SLC4A4: variants seen among roughly 807,000 people sequenced by gnomAD.
SLC4A4 encodes electrogenic sodium bicarbonate cotransporter 1.
Under a neutral mutation model 111.5 loss-of-function variants are expected in SLC4A4, and 27 were observed. The ratio of observed to expected loss-of-function variants is 0.24; its 90% CI spans 0.18 to 0.33. The LOEUF is 0.33. Ranked by LOEUF, SLC4A4 falls within the 10% of genes least tolerant of loss-of-function variation. The probability of loss-of-function intolerance (pLI) is 1.00; values close to 1 mark genes in which losing one functional copy is unlikely to be tolerated. For synonymous variants in SLC4A4, 443 were observed against 463.4 expected (o/e 0.96, Z 0.57); for missense variants, 909 against 1,315.5 (o/e 0.69, Z 4.78).
intron 1 of SLC4A4, among the ~76,000 whole-genome samples, chr4:71,079,789 G>A (rs1195362859): frequency 7.7e-6 from 1 of 129,894 alleles, no homozygotes; most frequent in East Asian, 2.5e-4. Flanking sequence ...AAAAAAAAAA[G>A]ATGTAAAGAA....
rs1728732612 is a variant in SLC4A4 at position 71,339,721 on chromosome 4, A to G, written c.389+216A>G. Among the ~76,000 whole-genome samples the G allele has an allele frequency of 3.3e-5, 5 of 152,248 alleles. No homozygotes were observed. The South Asian group carries it at 8.3e-4, about 25-fold the overall frequency. ...TATTTCACTATTGGGGCATTGTTTCATTGATCCATGTTGCTATAATTTTGG... is the reference window on the plus strand; with the variant it reads ...TATTTCACTATTGGGGCATTGTTTCGTTGATCCATGTTGCTATAATTTTGG... On this transcript the variant is annotated intron_variant, in intron 4 of 25. Transcript: ENST00000264485.
At chr4:71,188,523 C>T (rs560069948) in intron 1 of SLC4A4, among the ~76,000 whole-genome samples, 4 of 152,294 alleles carry the variant, frequency 2.6e-5, no homozygotes, top group Middle Eastern at 6.8e-3. Flanking sequence ...TGTCTCAAAT[C>T]CTGCAGCAGT....
At chr4:71,214,638 T>C (rs190025154) in intron 1 of SLC4A4, among the ~76,000 whole-genome samples, 5 of 152,344 alleles carry the variant, frequency 3.3e-5, no homozygotes, top group Admixed American at 2.0e-4. Flanking sequence ...ATAAGGCACA[T>C]GATCTGAGCA....
intron 7 of SLC4A4, among the ~76,000 whole-genome samples, chr4:71,432,819 A>G (rs1403958946): frequency 6.6e-6 from 1 of 152,050 alleles, no homozygotes. Flanking sequence ...GAACTCTGAA[A>G]TGGAAGTTGA....
chr4:71,411,907 A>G (rs1463938782), intron 7 of SLC4A4, among the ~76,000 whole-genome samples: 1 of 152,234 alleles, frequency 6.6e-6, no homozygotes. Context: ...TCTTAGCTGG[A>G]TAAACAACTG....
chr4:71,250,177 T>C (rs1459378356), intron 2 of SLC4A4, among the ~76,000 whole-genome samples: 1 of 152,170 alleles, frequency 6.6e-6, no homozygotes, highest in Non-Finnish European at 1.5e-5. Flanking sequence ...TTGTTCTACC[T>C]ACATTCCTCT....
intron 1 of SLC4A4, among the ~76,000 whole-genome samples, chr4:71,086,230 C>T (rs999823853): frequency 6.6e-6 from 1 of 151,598 alleles, no homozygotes; most frequent in African/African-American, 2.4e-5. Context: ...TATAAGAATG[C>T]TTGTGATTTT....
chr4:71,363,511 G>T (rs1730986522), intron 6 of SLC4A4, among the ~76,000 whole-genome samples: 1 of 152,052 alleles, frequency 6.6e-6, no homozygotes, highest in Non-Finnish European at 1.5e-5. Flanking sequence ...CCCCCCAACT[G>T]CCCCATACCC....
intron 3 of SLC4A4, among the ~76,000 whole-genome samples, chr4:71,317,075 C>T (rs201244574): frequency 1.4e-4 from 20 of 147,484 alleles, no homozygotes; most frequent in African/African-American, 3.8e-4. Context: ...TGTGTGTGTG[C>T]GTGTGTGTGT....
intron 25 of SLC4A4, among the ~76,000 whole-genome samples, chr4:71,567,367 G>C (rs1737580658): frequency 6.6e-6 from 1 of 151,684 alleles, no homozygotes; most frequent in South Asian, 2.1e-4. Context: ...ATTTAAAGAG[G>C]TAACTGGCAC....
Position 71,568,046 on chromosome 4 carries a change from A to G in SLC4A4, c.*295A>G, listed in dbSNP as rs184650880. 1.5e-4 allele frequency: 85 copies of G among 581,202 alleles called. No individual in the cohort carries two copies. In the African/African-American group the frequency reaches 1.5e-3, roughly 10 times the overall value. The allele number at this position is 581,202 out of a possible 1,614,324, so 36.0% of individuals were successfully genotyped here. A position where few individuals can be genotyped will look rare whatever the true frequency, so the allele number is the denominator to read the frequency against. ...TCTGCTTCTCTCTTGCATAGACACA[A>G]TCAAGACAATAGTGCACCGTTCCTT... On this transcript the variant is annotated 3_prime_UTR_variant, in exon 26 of 26. Coordinates refer to ENST00000264485, the MANE Select transcript of SLC4A4 (RefSeq NM_001098484.3).
At chr4:71,317,973 A>G (rs16845187) in intron 3 of SLC4A4, among the ~76,000 whole-genome samples, 1,656 of 152,228 alleles carry the variant, frequency 0.011, 31 homozygotes, top group African/African-American at 0.035. Flanking sequence ...TTTCTAATCT[A>G]GTGTCCTTAC....
In SLC4A4 at chr4:71,561,891, A is replaced by G. The variant is rs555733299; in HGVS notation, c.3099+1637A>G. Among the ~76,000 whole-genome samples, 18 of 151,938 alleles carry G rather than the reference A, an allele frequency of 1.2e-4. No individual in the cohort carries two copies. In the South Asian group the frequency reaches 2.9e-3, roughly 24 times the overall value. ...TGTCAACTTATGTACCTGGACATCA[A>G]ATTTAAAGTTCATTACACATTATGA... On this transcript the variant is annotated intron_variant, in intron 23 of 25. Transcript: ENST00000264485.
At chr4:71,530,067 C>T (rs1733778664) in intron 16 of SLC4A4, among the ~76,000 whole-genome samples, 1 of 152,126 alleles carries the variant, frequency 6.6e-6, no homozygotes, top group South Asian at 2.1e-4. Flanking sequence ...TAAGAAACAT[C>T]CTTTTTTTGC....
chr4:71,261,084 G>T (rs1180276742), intron 3 of SLC4A4, among the ~76,000 whole-genome samples: 2 of 152,152 alleles, frequency 1.3e-5, no homozygotes, highest in Non-Finnish European at 2.9e-5. Context: ...TGCTTTAGCT[G>T]TCGGCTTGGC....
intron 4 of SLC4A4, among the ~76,000 whole-genome samples, chr4:71,346,165 C>A (rs1449521635): frequency 2.0e-5 from 3 of 151,610 alleles, no homozygotes; most frequent in Non-Finnish European, 4.4e-5. Flanking sequence ...TTTTCTTCAA[C>A]AAACGAATGA....
chr4:71,504,111 T>G (rs1731176357), intron 16 of SLC4A4, among the ~76,000 whole-genome samples: 1 of 152,158 alleles, frequency 6.6e-6, no homozygotes, highest in African/African-American at 2.4e-5. Context: ...CTTTTGACAG[T>G]TTGAGTATTA....
chr4:71,100,469 T>A (rs978684918), intron 2 of SLC4A4, among the ~76,000 whole-genome samples: 1 of 152,070 alleles, frequency 6.6e-6, no homozygotes, highest in Admixed American at 6.6e-5. Context: ...GAGCCATATA[T>A]GACAAACCAC....
rs1737928522 is a variant in SLC4A4 at position 71,571,405 on chromosome 4, T to G, written c.*3654T>G. On this transcript the variant is annotated 3_prime_UTR_variant, in exon 26 of 26. Coordinates refer to ENST00000264485, the MANE Select transcript of SLC4A4 (RefSeq NM_001098484.3). The stretch of plus-strand genomic sequence containing the variant: ...TGGCTGGGTACAATCAAGTGATATT[T>G]TGTAGCACCTCACTATCTGAAAGGC... 1.3e-5 allele frequency: 2 copies of G among 152,112 alleles called. No individual in the cohort carries two copies. Among genetic ancestry groups the G allele is most frequent in the African/African-American group, 4.8e-5 (2 of 41,392 alleles). The allele number at this position is 152,112 out of a possible 1,614,324, so 9.4% of individuals were successfully genotyped here.
Sources: allele counts gnomAD v4.1 joint callset (sites outside exome capture counted in the v4.1 genomes callset), GRCh38; gene constraint gnomAD v4.1.1; transcripts MANE v1.5; gene names NCBI Gene and HGNC (gene_info 2026-07-23, HGNC 2026-07-21).